Variants in C7 observed in about 807,000 individuals in gnomAD.
C7 encodes the protein complement C7, also known as complement component C7.
In C7, 83 loss-of-function variants were observed where a neutral mutation model predicts 104.8. The observed-to-expected ratio is 0.79, with a 90% CI of 0.66 to 0.95. The LOEUF (loss-of-function observed/expected upper bound fraction) is 0.95. Among genes scored for constraint, C7 ranks in the 40% least tolerant of loss-of-function variants. The pLI, the probability that C7 is intolerant of heterozygous loss-of-function variation, is 0.00. For synonymous variants in C7, 415 were observed against 360.6 expected (o/e 1.15, Z -1.71); for missense variants, 1,070 against 1,011.2 (o/e 1.06, Z -0.79).
At chr5:40,926,162 T>C (rs1326793945) in intron 1 of C7, among the ~76,000 whole-genome samples, 3 of 152,234 alleles carry the variant, frequency 2.0e-5, no homozygotes, top group African/African-American at 7.2e-5. Flanking sequence ...AAAAACTATA[T>C]GATCATCTTG....
intron 1 of C7, among the ~76,000 whole-genome samples, chr5:40,912,863 G>A (rs1229201269): frequency 6.6e-6 from 1 of 152,070 alleles, no homozygotes; most frequent in East Asian, 1.9e-4. Context: ...GATATATTGG[G>A]TAGTGTTGAA....
At chr5:40,964,623 T>A in intron 13 of C7, 118 bp from the exon 14 acceptor site, 2 of 835,134 alleles carry the variant, frequency 2.4e-6, no homozygotes, top group Non-Finnish European at 3.8e-6. Flanking sequence ...CTTTTCTGAA[T>A]CAATTAAATG....
rs2111744397 is a variant in C7 at position 40,984,260 on chromosome 5, AAG to A, written c.*2691_*2692del. The stretch of plus-strand genomic sequence containing the variant: ...GCAGGATGACTTGTAATCACCTTGA[AAG>A]AGAAGGAGGGTTCTTCGTATTCAGG... On this transcript the variant is annotated 3_prime_UTR_variant, in exon 18 of 18. Transcript: ENST00000313164. 6.6e-6 allele frequency among the ~76,000 whole-genome samples: 1 copy of A among 152,290 alleles called. No individual in the cohort carries two copies. The highest frequency in any genetic ancestry group is 6.5e-5 in the Admixed American group (1 of 15,292).
chr5:40,974,400 T>TTTTTTTTC (rs1740768784), intron 15 of C7, among the ~76,000 whole-genome samples: 1 of 148,058 alleles, frequency 6.8e-6, no homozygotes, highest in African/African-American at 2.5e-5. Context: ...TTTTTTTTTT[T>TTTTTTTTC]CCACAAAGAC....
rs753917556 is a variant in C7, at chr5:40,972,495, T to C, written c.1975T>C (p.Cys659Arg). The change falls in exon 15 of 18, where the codon TGT (cysteine) becomes CGT (arginine). Residue 659 changes from cysteine to arginine, a missense_variant. Transcript: ENST00000313164. ...AGTTGGTGAGAAGGTGACTGTTTCC[T>C]GTTCAGGTGGCATGTCCTTAGAAGG... ...YTVGEKVTVSCSGGMSLEGPS... is the reference protein window; with the variant it reads ...YTVGEKVTVSRSGGMSLEGPS... 2.9e-5 allele frequency: 46 copies of C among 1,613,806 alleles called. No homozygotes were observed. Among genetic ancestry groups the C allele is most frequent in the Non-Finnish European group, 3.6e-5 (43 of 1,179,806 alleles).
At chr5:40,976,710 C>A in intron 15 of C7, 40 bp from the exon 16 acceptor site, 3 of 1,441,864 alleles carry the variant, frequency 2.1e-6, no homozygotes, top group Non-Finnish European at 2.9e-6. Context: ...TATGAAGAGG[C>A]TTTTCTCCTA....
intron 3 of C7, among the ~76,000 whole-genome samples, chr5:40,932,916 T>A (rs181589189): frequency 2.6e-5 from 4 of 152,016 alleles, no homozygotes; most frequent in Non-Finnish European, 1.5e-5. Flanking sequence ...CTTTGACAGG[T>A]GAGAAGGAGA....
chr5:40,910,273 A>G (rs555667115), intron 1 of C7, among the ~76,000 whole-genome samples: 20 of 152,370 alleles, frequency 1.3e-4, no homozygotes, highest in African/African-American at 4.6e-4. Context: ...GCTATCATAG[A>G]CTAAATCTCT....
intron 6 of C7, among the ~76,000 whole-genome samples, chr5:40,940,817 CA>C (rs1335346839): frequency 6.6e-6 from 1 of 151,938 alleles, no homozygotes; most frequent in Non-Finnish European, 1.5e-5. Context: ...AAAACAGAGG[CA>C]AAAAAGCTAA....
At chr5:40,976,903 G>C (rs1740831735) in intron 16 of C7, 63 bp downstream of exon 16, 5 of 1,266,216 alleles carry the variant, frequency 3.9e-6, no homozygotes, top group Admixed American at 2.2e-5. Context: ...TAATTTCTTA[G>C]ATAATAGTGT....
At chr5:40,961,241 G>A (rs1416251588) in intron 12 of C7, among the ~76,000 whole-genome samples, 1 of 152,182 alleles carries the variant, frequency 6.6e-6, no homozygotes, top group African/African-American at 2.4e-5. Context: ...TTTTTTCCAT[G>A]TATCTCATGG....
chr5:40,913,135 A>G (rs1228695141), intron 1 of C7, among the ~76,000 whole-genome samples: 1 of 152,174 alleles, frequency 6.6e-6, no homozygotes, highest in African/African-American at 2.4e-5. Flanking sequence ...ACATGGTTTC[A>G]TTCTTTTTTA....
At chr5:40,979,693 T>G in intron 16 of C7, 32 bp from the exon 17 acceptor site, 2 of 1,579,256 alleles carry the variant, frequency 1.3e-6, no homozygotes, top group Non-Finnish European at 1.7e-6. Flanking sequence ...AACAAAAATC[T>G]TGTAAATAAT....
rs780580143 is a variant in C7 at position 40,936,465 on chromosome 5, C to T, written c.408C>T (p.Asn136=). 6.2e-7 allele frequency: 1 copy of T among 1,613,134 alleles called. No homozygotes were observed. The highest frequency in any genetic ancestry group is 1.7e-5 in the Admixed American group (1 of 59,896). Residue 136 remains asparagine, a synonymous_variant, in exon 5 of 18, where the codon AAC becomes AAT. Coordinates refer to ENST00000313164, the MANE Select transcript of C7 (RefSeq NM_000587.4). Reference sequence around the variant, plus strand: ...GTGATATCGATAAACCTCCTCCTAACATAGAACTTACTGGAAATGGGTAAG... The same window carrying T: ...GTGATATCGATAAACCTCCTCCTAATATAGAACTTACTGGAAATGGGTAAG... ...PSCDIDKPPP[N]IELTGNGYNE...
At position 40,958,203 on chromosome 5, in the gene C7, C is replaced by T. The variant is rs568040705; in HGVS notation, c.1431C>T (p.Cys477=). The T allele has an allele frequency of 1.2e-5, 19 of 1,613,560 alleles. No individual in the cohort carries two copies. The highest frequency in any genetic ancestry group is 4.0e-5 in the African/African-American group (3 of 75,032). The change falls in exon 11 of 18, where the codon TGC becomes TGT. Residue 477 remains cysteine, a synonymous_variant. Transcript: ENST00000313164. The part of the protein sequence containing the change: ...TVEGTHCLCH[C]KPYTFGAACE... ...AGGGGACCCATTGTCTGTGCCATTGCAAACCGTACACATTTGGTGCGGCGT... is the reference window on the plus strand; with the variant it reads ...AGGGGACCCATTGTCTGTGCCATTGTAAACCGTACACATTTGGTGCGGCGT...
chr5:40,976,998 C>T (rs1740833466), intron 16 of C7, among the ~76,000 whole-genome samples, 158 bp downstream of exon 16: 2 of 152,124 alleles, frequency 1.3e-5, no homozygotes, highest in Non-Finnish European at 2.9e-5. Context: ...TGTTATTTGT[C>T]TGGGTCACTA....
At chr5:40,920,724 C>G (rs1049000372) in intron 1 of C7, among the ~76,000 whole-genome samples, 1 of 152,008 alleles carries the variant, frequency 6.6e-6, no homozygotes, top group Non-Finnish European at 1.5e-5. Flanking sequence ...TCAAGTTATT[C>G]TTGCTTTTAA....
At chr5:40,978,147 A>G (rs1215543066) in intron 16 of C7, among the ~76,000 whole-genome samples, 3 of 150,358 alleles carry the variant, frequency 2.0e-5, no homozygotes, top group Admixed American at 6.6e-5. Flanking sequence ...AAAGAAAAAA[A>G]AAAAAAAAAA....
At position 40,955,423 on chromosome 5, in the gene C7, T is replaced by C. The variant is rs539320803; in HGVS notation, c.1130T>C (p.Ile377Thr). 3.2e-5 allele frequency: 52 copies of C among 1,611,868 alleles called. No individual in the cohort carries two copies. The East Asian group carries it at 1.0e-3, about 32-fold the overall frequency. Residue 377 changes from isoleucine to threonine, a missense_variant, in exon 10 of 18, where the codon ATC (isoleucine) becomes ACC (threonine). By Grantham distance (89) the Ile-to-Thr change is moderately conservative. Coordinates refer to ENST00000313164, the MANE Select transcript of C7 (RefSeq NM_000587.4). ...QNNVLRGEPF[I>T]RGGGAGFISG... ...AATGTATTGCGAGGAGAACCGTTCA[T>C]CAGAGGGGGAGGTGCAGGCTTCATA... is the stretch of plus-strand genomic sequence containing the variant.
Sources: allele counts gnomAD v4.1 joint callset (sites outside exome capture counted in the v4.1 genomes callset), GRCh38; gene constraint gnomAD v4.1.1; transcripts MANE v1.5; gene names NCBI Gene and HGNC (gene_info 2026-07-23, HGNC 2026-07-21).